The following RNFT2 variants were observed in gnomAD, a reference collection of about 807,000 sequenced individuals.
The protein encoded by RNFT2 is ring finger protein, transmembrane 2, also known as E3 ubiquitin-protein ligase RNFT2.
Under a neutral mutation model 53.0 loss-of-function variants are expected in RNFT2, and 36 were observed. The ratio of observed to expected loss-of-function variants is 0.68; its 90% confidence interval spans 0.52 to 0.90. The LOEUF (loss-of-function observed/expected upper bound fraction) is 0.90, where lower values mean the gene tolerates loss of function less well. Among genes scored for constraint, RNFT2 ranks in the 40% least tolerant of loss-of-function variants. RNFT2 has a pLI of 0.00. For missense variants in RNFT2, 514 were observed against 585.6 expected, an observed-to-expected ratio of 0.88 and a Z score of 1.26; for synonymous variants, 260 against 253.2, an observed-to-expected ratio of 1.03 and a Z score of -0.26.
intron 5 of RNFT2, among the ~76,000 whole-genome samples, chr12:116,761,131 C>T (rs1872678186): frequency 6.6e-6 from 1 of 152,072 alleles, no homozygotes; most frequent in Non-Finnish European, 1.5e-5. Flanking sequence ...ACATTCAGCT[C>T]ATTAGCTCAC....
In RNFT2 at chr12:116,835,969, A is replaced by G; in HGVS notation, c.1042A>G (p.Ile348Val). The change falls in exon 9 of 11, where the codon ATC (isoleucine) becomes GTC (valine). Residue 348 changes from isoleucine to valine, a missense_variant. By Grantham distance (29) the Ile-to-Val change is conservative (BLOSUM62 3). Around this residue, in one of 3 missense-constraint regions of RNFT2, gnomAD observed 273 missense variants for 334.4 expected, o/e 0.82. Transcript: ENST00000257575. Reference protein sequence around the residue: ...VLYSLCKSFDICGRVGGVRKA... With the variant: ...VLYSLCKSFDVCGRVGGVRKA... ...CCTGCTCTCCTTTCAGTCCTTCGAC[A>G]TCTGTGGACGTGTGGGCGGAGTTAG... 6.2e-7 allele frequency: 1 copy of G among 1,614,008 alleles called. No individual in the cohort carries two copies. The highest frequency in any genetic ancestry group is 8.5e-7 in the Non-Finnish European group (1 of 1,179,874).
intron 4 of RNFT2, among the ~76,000 whole-genome samples, chr12:116,753,006 G>C (rs1363403346): frequency 6.6e-6 from 1 of 152,194 alleles, no homozygotes; most frequent in African/African-American, 2.4e-5. Flanking sequence ...GCAATGAAAT[G>C]ACTGGTGGAA....
chr12:116,750,687 T>G (rs1359897887), intron 4 of RNFT2, among the ~76,000 whole-genome samples: 2 of 150,626 alleles, frequency 1.3e-5, no homozygotes, highest in Non-Finnish European at 2.9e-5. Context: ...GTGCCTCAGT[T>G]TCCTCATCTA....
chr12:116,845,261 ATAT>A (rs1877551193), intron 10 of RNFT2, among the ~76,000 whole-genome samples: 1 of 92,224 alleles, frequency 1.1e-5, no homozygotes, highest in Non-Finnish European at 2.0e-5. Flanking sequence ...AAAAAAAAAT[ATAT>A]ATATATATAT....
rs1221097303 is a variant in RNFT2, at chr12:116,851,653, A to G, written c.*2205A>G. The G allele has an allele frequency of 1.3e-5, 8 of 628,464 alleles. No homozygotes were observed. The highest frequency in any genetic ancestry group is 2.3e-5 in the Non-Finnish European group (8 of 353,706). 38.9% of individuals were successfully genotyped at this position (628,464 alleles called of 1,614,324 possible). A position where few individuals can be genotyped will look rare whatever the true frequency, so the allele number is the denominator to read the frequency against. The stretch of plus-strand genomic sequence containing the variant: ...TACTCAGGAGGCTAAGGCAGGGAGA[A>G]CTGCTTGAACTCGGGAGGTGAAAGT... On this transcript the variant is annotated 3_prime_UTR_variant, in exon 11 of 11. Transcript: ENST00000257575.
intron 7 of RNFT2, among the ~76,000 whole-genome samples, chr12:116,821,450 C>G (rs757932414): frequency 6.6e-5 from 10 of 152,246 alleles, no homozygotes; most frequent in Non-Finnish European, 1.2e-4. Context: ...ACTCTGCCAG[C>G]TGTGGTCCCC....
At chr12:116,775,469 T>G (rs1377772500) in intron 6 of RNFT2, among the ~76,000 whole-genome samples, 1 of 152,152 alleles carries the variant, frequency 6.6e-6, no homozygotes, top group Non-Finnish European at 1.5e-5. Context: ...AGGCGACACT[T>G]ACCACTGAGC....
chr12:116,848,702 C>T (rs1480848706), intron 10 of RNFT2, among the ~76,000 whole-genome samples: 1 of 152,184 alleles, frequency 6.6e-6, no homozygotes, highest in East Asian at 1.9e-4. Context: ...TCAGGGCTCA[C>T]TCCTCACTGT....
At chr12:116,827,852 A>G (rs967997720) in intron 7 of RNFT2, among the ~76,000 whole-genome samples, 1 of 152,236 alleles carries the variant, frequency 6.6e-6, no homozygotes, top group African/African-American at 2.4e-5. Context: ...TGGAAGATCC[A>G]AAGACAGTGA....
At chr12:116,790,588 A>C (rs1874187389) in intron 7 of RNFT2, among the ~76,000 whole-genome samples, 1 of 152,176 alleles carries the variant, frequency 6.6e-6, no homozygotes, top group Non-Finnish European at 1.5e-5. Context: ...TTTCCATCTG[A>C]TGTCAGCCTC....
intron 8 of RNFT2, among the ~76,000 whole-genome samples, chr12:116,835,293 C>G (rs926655012): frequency 3.3e-5 from 2 of 61,208 alleles, no homozygotes; most frequent in Non-Finnish European, 1.3e-4. Context: ...AAGCTCCCAA[C>G]CACACTTCTA....
At chr12:116,743,917 A>G (rs1022402948) in intron 3 of RNFT2, among the ~76,000 whole-genome samples, 1 of 152,124 alleles carries the variant, frequency 6.6e-6, no homozygotes, top group African/African-American at 2.4e-5. Flanking sequence ...CAAAAATGGC[A>G]GGTAACAGAA....
Sources: gnomAD v4.1 joint callset for allele counts (sites outside exome capture counted in the v4.1 genomes callset) on GRCh38, gnomAD v4.1.1 for gene constraint, gnomAD v4.1.1 regional missense constraint, MANE v1.5 for transcripts, NCBI Gene and HGNC (gene_info 2026-07-23, HGNC 2026-07-21) for gene names.